Variants in KCNH5 observed in about 807,000 individuals in gnomAD.
The protein encoded by KCNH5 is voltage-gated delayed rectifier potassium channel KCNH5.
Under a neutral mutation model 96.1 loss-of-function variants are expected in KCNH5, and 46 were observed. The observed-to-expected ratio is 0.48, with a 90% confidence interval of 0.38 to 0.61. The LOEUF (loss-of-function observed/expected upper bound fraction) is 0.61, where lower values mean the gene tolerates loss of function less well. Among genes scored for constraint, KCNH5 ranks in the 20% least tolerant of loss-of-function variants. The pLI, the probability that KCNH5 is intolerant of heterozygous loss-of-function variation, is 0.00. For missense variants in KCNH5, 907 were observed against 1,225.8 expected (o/e 0.74, Z 3.88); for synonymous variants, 439 against 449.8 (o/e 0.98, Z 0.30).
chr14:62,995,091 A>G (rs527979329), intron 4 of KCNH5, among the ~76,000 whole-genome samples: 1 of 152,210 alleles, frequency 6.6e-6, no homozygotes, highest in South Asian at 2.1e-4. Context: ...TTTCCCAGAT[A>G]TGAATCAGAA....
chr14:62,968,823 A>T (rs897137967), intron 6 of KCNH5, among the ~76,000 whole-genome samples: 1 of 152,182 alleles, frequency 6.6e-6, no homozygotes, highest in Non-Finnish European at 1.5e-5. Context: ...TCTTCCAGAA[A>T]CAAGCATAAT....
At chr14:62,959,149 A>C (rs918470505) in intron 6 of KCNH5, among the ~76,000 whole-genome samples, 1 of 152,126 alleles carries the variant, frequency 6.6e-6, no homozygotes, top group Non-Finnish European at 1.5e-5. Context: ...AAACTCAAAC[A>C]TACAAAAAAA....
chr14:62,730,883 T>C (rs1052890269), intron 10 of KCNH5, among the ~76,000 whole-genome samples: 14 of 152,322 alleles, frequency 9.2e-5, no homozygotes, highest in Admixed American at 4.6e-4. Flanking sequence ...TTAGTATAGA[T>C]GGAAGGTGGT....
chr14:62,808,183 A>C (rs1218258773), intron 8 of KCNH5, among the ~76,000 whole-genome samples: 1 of 152,154 alleles, frequency 6.6e-6, no homozygotes, highest in Non-Finnish European at 1.5e-5. Context: ...AGGAAAGTGG[A>C]ATGGACTTTT....
At chr14:63,022,714 C>A (rs1220135542) in intron 1 of KCNH5, among the ~76,000 whole-genome samples, 1 of 152,136 alleles carries the variant, frequency 6.6e-6, no homozygotes, top group Non-Finnish European at 1.5e-5. Flanking sequence ...TCATCTCTGC[C>A]TAAATACCAT....
In KCNH5 at chr14:62,816,317, C is replaced by A. The variant is rs191579017; in HGVS notation, c.1570-13736G>T. Among the ~76,000 whole-genome samples, 38 of 151,770 alleles carry A rather than the reference C, an allele frequency of 2.5e-4. No homozygotes were observed. In the East Asian group the frequency reaches 6.4e-3, roughly 25 times the overall value. On this transcript the variant is annotated intron_variant, in intron 8 of 10. Coordinates refer to ENST00000322893, the MANE Select transcript of KCNH5 (RefSeq NM_139318.5). ...ATATGTATACATGTACATATATCAG[C>A]GTGTATGTGTGAAAAAATATATATA...
At chr14:62,928,163 A>G (rs949227686) in intron 7 of KCNH5, among the ~76,000 whole-genome samples, 6 of 152,150 alleles carry the variant, frequency 3.9e-5, no homozygotes, top group Non-Finnish European at 7.4e-5. Flanking sequence ...GACAAGATTT[A>G]GAATGGATAA....
chr14:62,878,647 CA>C (rs35704622), intron 7 of KCNH5, among the ~76,000 whole-genome samples: 13 of 152,068 alleles, frequency 8.5e-5, no homozygotes, highest in African/African-American at 3.1e-4. Flanking sequence ...TTAAAATGAG[CA>C]AAAAGTTTGA....
chr14:62,785,659 C>T (rs1266555205), intron 9 of KCNH5, among the ~76,000 whole-genome samples: 1 of 152,078 alleles, frequency 6.6e-6, no homozygotes, highest in Non-Finnish European at 1.5e-5. Flanking sequence ...CACTGTTAAA[C>T]TACAGGAAAA....
intron 7 of KCNH5, among the ~76,000 whole-genome samples, chr14:62,928,129 A>G (rs774737604): frequency 6.6e-5 from 10 of 152,248 alleles, no homozygotes; most frequent in Non-Finnish European, 1.5e-4. Flanking sequence ...TTCCAATAGG[A>G]GACCAGTGAA....
intron 7 of KCNH5, among the ~76,000 whole-genome samples, chr14:62,899,758 C>T (rs1420003251): frequency 2.0e-5 from 3 of 150,432 alleles, no homozygotes; most frequent in Admixed American, 6.6e-5. Flanking sequence ...GGCGTGAACC[C>T]GGGAGGCGGA....
At chr14:62,849,928 A>G (rs1887771447) in intron 7 of KCNH5, 76 bp from the exon 8 acceptor site, 2 of 1,178,348 alleles carry the variant, frequency 1.7e-6, no homozygotes, top group East Asian at 2.5e-5. Context: ...AAATCAATGA[A>G]TAATTTGACA....
chr14:62,713,289 T>C (rs538970044), intron 10 of KCNH5, among the ~76,000 whole-genome samples: 4,263 of 152,254 alleles, frequency 0.028, 128 homozygotes, highest in African/African-American at 0.081. Context: ...TATATTATTA[T>C]TATTATTATT....
At chr14:63,013,800 C>CA (rs1479331862) in intron 2 of KCNH5, among the ~76,000 whole-genome samples, 10 of 151,900 alleles carry the variant, frequency 6.6e-5, no homozygotes, top group African/African-American at 2.4e-4. Context: ...ATTATCCTTC[C>CA]AGTATATACA....
intron 10 of KCNH5, among the ~76,000 whole-genome samples, chr14:62,763,994 AG>A (rs1288073284): frequency 6.6e-6 from 1 of 152,182 alleles, no homozygotes; most frequent in Non-Finnish European, 1.5e-5. Context: ...CAAAAAAATG[AG>A]GGGGAGGAAC....
chr14:63,018,298 C>T (rs2139609177), intron 1 of KCNH5, among the ~76,000 whole-genome samples: 2 of 151,932 alleles, frequency 1.3e-5, no homozygotes, highest in Admixed American at 1.3e-4. Flanking sequence ...AGTCAAAGGT[C>T]ACAATTTGGG....
At chr14:62,816,778 T>C (rs911999416) in intron 8 of KCNH5, among the ~76,000 whole-genome samples, 2 of 151,956 alleles carry the variant, frequency 1.3e-5, no homozygotes, top group African/African-American at 4.8e-5. Context: ...ATGTAGCTGA[T>C]AGGATGCTGG....
chr14:62,947,024 A>G (rs1889901068), intron 7 of KCNH5, among the ~76,000 whole-genome samples: 2 of 152,132 alleles, frequency 1.3e-5, no homozygotes, highest in African/African-American at 4.8e-5. Context: ...CACATGTGAT[A>G]AAACAATACA....
chr14:62,865,385 G>C (rs1380168765), intron 7 of KCNH5, among the ~76,000 whole-genome samples: 1 of 151,800 alleles, frequency 6.6e-6, no homozygotes, highest in African/African-American at 2.4e-5. Context: ...AGTTGGACTG[G>C]AGTGGGAAAG....
Sources: gnomAD v4.1 joint callset for allele counts (sites outside exome capture counted in the v4.1 genomes callset) on GRCh38, gnomAD v4.1.1 for gene constraint, MANE v1.5 for transcripts, NCBI Gene and HGNC (gene_info 2026-07-23, HGNC 2026-07-21) for gene names.